UBE2Q2: variants seen among roughly 807,000 people sequenced by gnomAD.
UBE2Q2 encodes the protein ubiquitin conjugating enzyme E2 Q2, also known as ubiquitin-conjugating enzyme E2 Q2.
Under a neutral mutation model 59.9 loss-of-function variants are expected in UBE2Q2, and 54 were observed. The observed-to-expected ratio is 0.90, with a 90% CI of 0.72 to 1.13. The LOEUF (loss-of-function observed/expected upper bound fraction) is 1.13. Among genes scored for constraint, UBE2Q2 ranks in the 50% most tolerant of loss-of-function variants. The pLI is 0.00. For missense variants in UBE2Q2, 433 were observed against 441.9 expected (o/e 0.98, Z 0.18); for synonymous variants, 165 against 155.2 (o/e 1.06, Z -0.47).
intron 12 of UBE2Q2, among the ~76,000 whole-genome samples, chr15:75,898,109 ACTATT>A (rs1899534068): frequency 6.6e-6 from 1 of 152,218 alleles, no homozygotes; most frequent in African/African-American, 2.4e-5. Flanking sequence ...GCATATTCAT[ACTATT>A]CTAAAGTTTC....
intron 3 of UBE2Q2, among the ~76,000 whole-genome samples, chr15:75,862,090 G>T (rs1897233591): frequency 6.6e-6 from 1 of 152,186 alleles, no homozygotes; most frequent in Non-Finnish European, 1.5e-5. Flanking sequence ...GCTGCCAGGT[G>T]TTCTTAAGGC....
rs144431848 is a variant in UBE2Q2 at position 75,858,401 on chromosome 15, A to G, written c.283-1477A>G. Among the ~76,000 whole-genome samples the G allele has an allele frequency of 3.9e-3, 587 of 152,264 alleles. 3 individuals carry two copies. The highest frequency in any genetic ancestry group is 0.013 in the African/African-American group (544 of 41,554). ...TGTGATTGTGAGTGGGACAAAATGA[A>G]ATAATCAAACTAGTCACCCATACCC... On this transcript the variant is annotated intron_variant, in intron 2 of 12. Transcript: ENST00000267938.
intron 3 of UBE2Q2, among the ~76,000 whole-genome samples, chr15:75,864,585 CAGTTTTAGT>C (rs1167980911): frequency 6.8e-6 from 1 of 146,480 alleles, no homozygotes; most frequent in Non-Finnish European, 1.5e-5. Context: ...TCCACTTCTT[CAGTTTTAGT>C]AACTGTAGAT....
chr15:75,873,139 G>A (rs191133878), intron 4 of UBE2Q2, among the ~76,000 whole-genome samples: 9 of 152,280 alleles, frequency 5.9e-5, no homozygotes, highest in African/African-American at 1.4e-4. Flanking sequence ...CTGTTTTAAA[G>A]GTTCCTCTTA....
intron 1 of UBE2Q2, among the ~76,000 whole-genome samples, chr15:75,853,571 G>T (rs961201703): frequency 1.3e-5 from 2 of 151,996 alleles, no homozygotes; most frequent in Non-Finnish European, 2.9e-5. Flanking sequence ...TACTTGGTTT[G>T]TGTGATAGAT....
At chr15:75,849,964 C>T (rs1433069956) in intron 1 of UBE2Q2, among the ~76,000 whole-genome samples, 1 of 152,078 alleles carries the variant, frequency 6.6e-6, no homozygotes, top group Non-Finnish European at 1.5e-5. Context: ...CTTATCTTTT[C>T]AAGATAGATA....
intron 8 of UBE2Q2, among the ~76,000 whole-genome samples, chr15:75,882,592 G>A (rs570985995): frequency 3.9e-4 from 59 of 152,250 alleles, no homozygotes; most frequent in African/African-American, 1.3e-3. Context: ...CTTTCATTAT[G>A]TCTGTTAAAT....
At chr15:75,856,354 A>G (rs1181243372) in intron 2 of UBE2Q2, among the ~76,000 whole-genome samples, 1 of 151,450 alleles carries the variant, frequency 6.6e-6, no homozygotes, top group African/African-American at 2.4e-5. Context: ...TGACTCTAAC[A>G]TTTGTTTAAA....
In UBE2Q2 at chr15:75,869,740, C is replaced by A. The variant is rs138543320; in HGVS notation, c.447+730C>A. ...TCTTAATAGCATCACATTGGCAACA[C>A]CTGCATTTTGGAGGGAGCACATTTA... On this transcript the variant is annotated intron_variant, in intron 4 of 12. Coordinates refer to ENST00000267938, the MANE Select transcript of UBE2Q2 (RefSeq NM_173469.4). 5.7e-4 allele frequency among the ~76,000 whole-genome samples: 87 copies of A among 152,294 alleles called. 1 individual carries two copies. Among genetic ancestry groups the A allele is most frequent in the African/African-American group, 1.9e-3 (81 of 41,544 alleles).
intron 2 of UBE2Q2, among the ~76,000 whole-genome samples, chr15:75,855,104 A>G (rs1018714194): frequency 3.3e-5 from 5 of 152,276 alleles, no homozygotes; most frequent in Middle Eastern, 3.4e-3. Context: ...TTCTACCAGT[A>G]TATATTTTTC....
intron 2 of UBE2Q2, among the ~76,000 whole-genome samples, chr15:75,859,637 C>G (rs1032113239): frequency 1.3e-5 from 2 of 152,078 alleles, no homozygotes; most frequent in African/African-American, 4.8e-5. Context: ...CTTCCTCTGC[C>G]CTTATTGTTG....
At chr15:75,847,608 A>C (rs1167330126) in intron 1 of UBE2Q2, among the ~76,000 whole-genome samples, 1 of 152,160 alleles carries the variant, frequency 6.6e-6, no homozygotes, top group Non-Finnish European at 1.5e-5. Context: ...AACTAACCTG[A>C]TTGCCGTCTA....
rs571817227 is a variant in UBE2Q2 at position 75,875,226 on chromosome 15, A to G, written c.589-961A>G. On this transcript the variant is annotated intron_variant, in intron 5 of 12. Transcript: ENST00000267938. ...TTCATAGCCACCGTGTGAAATAGGT[A>G]TGCTTCATATTTTAGAGATAGGAAA... is the stretch of plus-strand genomic sequence containing the variant. Among the ~76,000 whole-genome samples, 11 of 152,352 alleles carry G rather than the reference A, an allele frequency of 7.2e-5. No homozygotes were observed. The South Asian group carries it at 1.7e-3, about 23-fold the overall frequency.
chr15:75,887,566 C>CTTTT (rs754466511), intron 9 of UBE2Q2, among the ~76,000 whole-genome samples: 5 of 143,736 alleles, frequency 3.5e-5, no homozygotes, highest in African/African-American at 1.3e-4. Context: ...GGCCACAGAT[C>CTTTT]TTTTTTTTTT....
At chr15:75,877,321 A>G (rs185313474) in intron 6 of UBE2Q2, among the ~76,000 whole-genome samples, 1 of 152,282 alleles carries the variant, frequency 6.6e-6, no homozygotes, top group East Asian at 1.9e-4. Context: ...GGATAAGCCA[A>G]ACTTGTTTCT....
intron 1 of UBE2Q2, among the ~76,000 whole-genome samples, chr15:75,853,015 C>CT (rs1896708520): frequency 6.6e-6 from 1 of 152,196 alleles, no homozygotes; most frequent in South Asian, 2.1e-4. Flanking sequence ...TTTTCCATGA[C>CT]TTGAACCTAG....
In UBE2Q2 at chr15:75,898,208, CTTTGT is replaced by C. The variant is rs1408070469; in HGVS notation, c.1096+1151_1096+1155del. Among the ~76,000 whole-genome samples, 11 of 152,162 alleles carry C rather than the reference CTTTGT, an allele frequency of 7.2e-5. No individual in the cohort carries two copies. In the East Asian group the frequency reaches 2.1e-3, roughly 29 times the overall value. On this transcript the variant is annotated intron_variant, in intron 12 of 12. Coordinates refer to ENST00000267938, the MANE Select transcript of UBE2Q2 (RefSeq NM_173469.4). ...ACCTGGGACACAGATTTCTTCTTATCTTTGTTTTTATTTCTTAACCATTACAACTG... is the reference window on the plus strand; with the variant it reads ...ACCTGGGACACAGATTTCTTCTTATCTTTTATTTCTTAACCATTACAACTG...
intron 4 of UBE2Q2, among the ~76,000 whole-genome samples, chr15:75,871,548 T>A (rs1467965451): frequency 6.6e-6 from 1 of 152,230 alleles, no homozygotes; most frequent in Non-Finnish European, 1.5e-5. Flanking sequence ...TGTCCCTGGG[T>A]ACTTGAGATT....
chr15:75,862,394 A>T (rs1897244925), intron 3 of UBE2Q2, among the ~76,000 whole-genome samples: 1 of 149,118 alleles, frequency 6.7e-6, no homozygotes. Flanking sequence ...TTCTTTAATA[A>T]ATTTTTTTCT....
Sources: allele counts gnomAD v4.1 joint callset (sites outside exome capture counted in the v4.1 genomes callset), GRCh38; gene constraint gnomAD v4.1.1; transcripts MANE v1.5; gene names NCBI Gene and HGNC (gene_info 2026-07-23, HGNC 2026-07-21).